Variants in CDK13 observed in about 807,000 individuals in gnomAD.
CDK13 encodes the protein cyclin dependent kinase 13.
A neutral mutation model predicts 137.6 loss-of-function variants in CDK13; 40 were observed. That is an observed-to-expected ratio of 0.29 (90% CI 0.23 to 0.38). The LOEUF is 0.38. CDK13 is among the 10% of genes least tolerant of loss of function. The pLI is 1.00. For synonymous variants in CDK13, 869 were observed against 760.1 expected (o/e 1.14, Z -2.36); for missense variants, 1,704 against 1,951.8 (o/e 0.87, Z 2.39).
intron 9 of CDK13, among the ~76,000 whole-genome samples, chr7:40,075,238 A>G (rs1786520011): frequency 6.6e-6 from 1 of 152,156 alleles, no homozygotes; most frequent in South Asian, 2.1e-4. Context: ...TTAGTGTATG[A>G]TGCATCTCAG....
At position 40,063,376 on chromosome 7, in the gene CDK13, G is replaced by A. The variant is rs113447606; in HGVS notation, c.2780+276G>A. Reference sequence around the variant, plus strand: ...AAGTCAAAGGACTTGAGGCCCAAAAGATAAGACTGGCAAGGAAGAGTAAAT... The same window carrying A: ...AAGTCAAAGGACTTGAGGCCCAAAAAATAAGACTGGCAAGGAAGAGTAAAT... On this transcript the variant is annotated intron_variant, in intron 9 of 13. Coordinates refer to ENST00000181839, the MANE Select transcript of CDK13 (RefSeq NM_003718.5). 6.2e-3 allele frequency among the ~76,000 whole-genome samples: 950 copies of A among 152,254 alleles called. 13 individuals carry two copies. Among genetic ancestry groups the A allele is most frequent in the African/African-American group, 0.021 (877 of 41,536 alleles).
intron 1 of CDK13, among the ~76,000 whole-genome samples, chr7:39,959,534 T>C (rs1787542512): frequency 6.6e-6 from 1 of 151,614 alleles, no homozygotes; most frequent in East Asian, 1.9e-4. Context: ...AGTGGCACCA[T>C]CTGCTCACTG....
At chr7:40,031,448 G>T (rs993487252) in intron 5 of CDK13, among the ~76,000 whole-genome samples, 1 of 151,878 alleles carries the variant, frequency 6.6e-6, no homozygotes, top group African/African-American at 2.4e-5. Context: ...CTTCAACCTA[G>T]GGGGCAGAGG....
chr7:39,967,107 C>T (rs1282363534), intron 1 of CDK13, among the ~76,000 whole-genome samples: 3 of 152,098 alleles, frequency 2.0e-5, no homozygotes, highest in South Asian at 2.1e-4. Context: ...TCTCCAGCTG[C>T]GTGCTGGGAG....
intron 7 of CDK13, chr7:40,048,401 G>T (rs1192825692): frequency 6.6e-6 from 1 of 152,010 alleles, no homozygotes; most frequent in Non-Finnish European, 1.5e-5. Flanking sequence ...CTTTGTGCCT[G>T]GTGGTAGTGA....
At chr7:40,002,535 A>G (rs1784704586) in intron 5 of CDK13, among the ~76,000 whole-genome samples, 1 of 152,196 alleles carries the variant, frequency 6.6e-6, no homozygotes, top group African/African-American at 2.4e-5. Context: ...TAGCCTGCTT[A>G]TTAAAGTAGT....
At chr7:39,968,961 C>T (rs906063356) in intron 1 of CDK13, among the ~76,000 whole-genome samples, 1 of 152,144 alleles carries the variant, frequency 6.6e-6, no homozygotes, top group Non-Finnish European at 1.5e-5. Flanking sequence ...TTCAGTTTGC[C>T]AGTCTGGCTT....
intron 2 of CDK13, among the ~76,000 whole-genome samples, chr7:39,995,229 C>T (rs190315975): frequency 2.0e-5 from 3 of 152,004 alleles, no homozygotes; most frequent in Non-Finnish European, 4.4e-5. Flanking sequence ...AAGTAATATT[C>T]GATAATACAC....
chr7:40,095,614 T>C lies in CDK13; in HGVS notation c.*634T>C, dbSNP rs964334208. On this transcript the variant is annotated 3_prime_UTR_variant, in exon 14 of 14. Transcript: ENST00000181839. The stretch of plus-strand genomic sequence containing the variant: ...ATTATCAAAGCCTAGCAAAATGCAT[T>C]TAAATGAAATAGTGGGTTTTATATG... The C allele has an allele frequency of 1.3e-5, 2 of 152,206 alleles. No individual in the cohort carries two copies. Among genetic ancestry groups the C allele is most frequent in the African/African-American group, 4.8e-5 (2 of 41,462 alleles). 9.4% of individuals were successfully genotyped at this position (152,206 alleles called of 1,614,324 possible).
At chr7:40,066,894 CTTT>C (rs1172079365) in intron 9 of CDK13, 1 of 150,050 alleles carries the variant, frequency 6.7e-6, no homozygotes, top group African/African-American at 2.4e-5. Flanking sequence ...ATCTGTGTAT[CTTT>C]TTTTTTAAAC....
At position 40,094,347 on chromosome 7, in the gene CDK13, G is replaced by GT; in HGVS notation, c.3908dup (p.Leu1303PhefsTer12). 6.2e-7 allele frequency: 1 copy of GT among 1,613,908 alleles called. No homozygotes were observed. The highest frequency in any genetic ancestry group is 8.5e-7 in the Non-Finnish European group (1 of 1,179,964). On this transcript the variant is annotated frameshift_variant, in exon 14 of 14. Coordinates refer to ENST00000181839, the MANE Select transcript of CDK13 (RefSeq NM_003718.5). LOFTEE classifies it high-confidence loss of function. Reference sequence around the variant, plus strand: ...CTCATGCCGGAGTGAAGGCAGCCCTGTTACAGCTGCTTGCTCAGCATCAGC... The same window carrying GT: ...CTCATGCCGGAGTGAAGGCAGCCCTGTTTACAGCTGCTTGCTCAGCATCAGC...
At chr7:40,053,808 A>T (rs2150521584) in intron 7 of CDK13, among the ~76,000 whole-genome samples, 1 of 151,810 alleles carries the variant, frequency 6.6e-6, no homozygotes, top group African/African-American at 2.4e-5. Flanking sequence ...AACTTAACTA[A>T]CGTTTGTGTA....
At chr7:39,990,073 T>C (rs560898541) in intron 2 of CDK13, among the ~76,000 whole-genome samples, 9 of 152,196 alleles carry the variant, frequency 5.9e-5, no homozygotes, top group Non-Finnish European at 1.3e-4. Flanking sequence ...CGTGAGCCAC[T>C]GCGCCCAACC....
chr7:39,963,446 A>T (rs1054006166), intron 1 of CDK13, among the ~76,000 whole-genome samples: 1 of 151,876 alleles, frequency 6.6e-6, no homozygotes, highest in Non-Finnish European at 1.5e-5. Flanking sequence ...GGTGTATAAG[A>T]ATGCTTGTAA....
chr7:40,051,581 A>G (rs112690901), intron 7 of CDK13, among the ~76,000 whole-genome samples: 14 of 152,360 alleles, frequency 9.2e-5, no homozygotes, highest in African/African-American at 3.1e-4. Context: ...AGTAGTTAAT[A>G]TAGATCGAAT....
chr7:40,073,985 C>G (rs1345211693), intron 9 of CDK13, among the ~76,000 whole-genome samples: 1 of 150,772 alleles, frequency 6.6e-6, no homozygotes, highest in Non-Finnish European at 1.5e-5. Context: ...TCACTGCAAC[C>G]TCCACCTCCC....
chr7:40,033,313 C>G (rs1040755873), intron 5 of CDK13, among the ~76,000 whole-genome samples: 2 of 152,054 alleles, frequency 1.3e-5, no homozygotes, highest in Non-Finnish European at 2.9e-5. Flanking sequence ...TTGCATTTTG[C>G]CCACCTTTTT....
chr7:40,010,485 A>T (rs780231846), intron 5 of CDK13, among the ~76,000 whole-genome samples: 5 of 152,124 alleles, frequency 3.3e-5, no homozygotes, highest in Admixed American at 2.0e-4. Flanking sequence ...GGAATTCCAG[A>T]CCAGCCTGAA....
At chr7:39,982,350 A>AT (rs1018976367) in intron 1 of CDK13, among the ~76,000 whole-genome samples, 8 of 151,990 alleles carry the variant, frequency 5.3e-5, no homozygotes, top group African/African-American at 1.9e-4. Flanking sequence ...TGAACTCATC[A>AT]TTTTTTATGG....
Sources: allele counts gnomAD v4.1 joint callset (sites outside exome capture counted in the v4.1 genomes callset), GRCh38; gene constraint gnomAD v4.1.1; transcripts MANE v1.5; gene names NCBI Gene and HGNC (gene_info 2026-07-23, HGNC 2026-07-21).